Variants in DGKK observed in about 807,000 individuals in gnomAD.
The protein encoded by DGKK is diacylglycerol kinase kappa.
A neutral mutation model predicts 92.2 loss-of-function variants in DGKK; 35 were observed. That is an observed-to-expected ratio of 0.38 (90% CI 0.29 to 0.50). The LOEUF (loss-of-function observed/expected upper bound fraction) is 0.50. Among genes scored for constraint, DGKK ranks in the 20% least tolerant of loss-of-function variants. DGKK has a pLI of 0.92. For synonymous variants in DGKK, 368 were observed against 360.6 expected (o/e 1.02, Z -0.23); for missense variants, 910 against 992.2 (o/e 0.92, Z 1.11).
chrX:50,424,502 C>T (rs782602444), intron 1 of DGKK, 144 bp from the exon 2 acceptor site: 3 of 461,632 alleles, frequency 6.5e-6, no homozygotes, highest in South Asian at 8.6e-5. Context: ...GGTGAGAACA[C>T]AGTGAAGCTC....
chrX:50,445,011 T>C lies in DGKK; in HGVS notation c.646-20653A>G, dbSNP rs185586814. Among the ~76,000 whole-genome samples the C allele has an allele frequency of 2.9e-3, 328 of 111,301 alleles. 3 individuals are homozygous for C. The highest frequency in any genetic ancestry group is 0.01 in the African/African-American group (311 of 30,663). On this transcript the variant is annotated intron_variant, in intron 1 of 27. Transcript: ENST00000611977. ...ACTGATGTGAGATGGTATCTCGTTG[T>C]GGTTTTGATTTGCATTTCTCCAATT...
chrX:50,369,826 A>T (rs1183758881), intron 27 of DGKK, among the ~76,000 whole-genome samples: 1 of 111,441 alleles, frequency 9.0e-6, no homozygotes, highest in East Asian at 2.8e-4. Flanking sequence ...GGCCTTCCAA[A>T]GTGTTGGGAT....
At chrX:50,378,321 G>A in intron 21 of DGKK, 89 bp from the exon 22 acceptor site, 1 of 1,064,555 alleles carries the variant, frequency 9.4e-7, no homozygotes, top group Non-Finnish European at 1.3e-6. Context: ...GGCCTTGAAT[G>A]TGTATCTGAA....
intron 1 of DGKK, among the ~76,000 whole-genome samples, chrX:50,445,778 C>A (rs1383165327): frequency 3.6e-5 from 4 of 111,026 alleles, no homozygotes; most frequent in African/African-American, 1.3e-4. Flanking sequence ...CTTTTTGGCT[C>A]AATATGGATT....
chrX:50,375,178 G>T, intron 24 of DGKK, 121 bp from the exon 25 acceptor site: 1 of 488,862 alleles, frequency 2.0e-6, no homozygotes, highest in Non-Finnish European at 3.5e-6. Flanking sequence ...TGTGGCTATA[G>T]GTGAAAAAGC....
At chrX:50,395,001 T>C (rs1924805535) in intron 8 of DGKK, among the ~76,000 whole-genome samples, 1 of 108,794 alleles carries the variant, frequency 9.2e-6, no homozygotes, top group Non-Finnish European at 1.9e-5. Flanking sequence ...GTGAAGAGAA[T>C]AGTATGGTTA....
rs993888693 is a variant in DGKK, at chrX:50,393,141, T to C, written c.1595+11A>G. 6.7e-6 allele frequency: 8 copies of C among 1,195,571 alleles called. No homozygotes were observed. In the Admixed American group the frequency reaches 1.5e-4, roughly 23 times the overall value. On this transcript the variant is annotated intron_variant, in intron 9 of 27. Transcript: ENST00000611977. The stretch of plus-strand genomic sequence containing the variant: ...TACATACCCAATCATATCCATGGGA[T>C]ACAGGCTTACCCTGCTTCAGGTCCA...
At chrX:50,439,174 T>C (rs910005457) in intron 1 of DGKK, among the ~76,000 whole-genome samples, 2 of 111,807 alleles carry the variant, frequency 1.8e-5, no homozygotes, top group South Asian at 7.4e-4. Context: ...TTTCTATCAA[T>C]TGGCTCCTAA....
intron 4 of DGKK, among the ~76,000 whole-genome samples, chrX:50,410,001 C>T (rs1322830079): frequency 2.7e-5 from 3 of 111,813 alleles, no homozygotes; most frequent in South Asian, 3.8e-4. Flanking sequence ...CTCTGGCTTC[C>T]GGAAGTGTGA....
At chrX:50,460,777 T>C (rs1333313548) in intron 1 of DGKK, among the ~76,000 whole-genome samples, 1 of 111,868 alleles carries the variant, frequency 8.9e-6, no homozygotes, top group Non-Finnish European at 1.9e-5. Flanking sequence ...GAATTGAATA[T>C]TCTATTTCCT....
chrX:50,422,522 G>A lies in DGKK; in HGVS notation c.761C>T (p.Ala254Val). 1 of 1,201,764 alleles carries A rather than the reference G, an allele frequency of 8.3e-7. No homozygotes were observed. The highest frequency in any genetic ancestry group is 1.8e-5 in the South Asian group (1 of 55,485). ...AGACAGATCAATCGTTTCAAAGTGTGCAAACTGGAAAGATATAAGACAGAG... is the reference window on the plus strand; with the variant it reads ...AGACAGATCAATCGTTTCAAAGTGTACAAACTGGAAAGATATAAGACAGAG... ...KLYFAHHPAF[A>V]HFETIDLSQA... Residue 254 changes from alanine to valine, a missense_variant, in exon 3 of 28, where the codon GCA becomes GTA. Ala to Val is a moderately conservative substitution (Grantham distance 64). Transcript: ENST00000611977.
At chrX:50,404,449 T>C (rs907029501) in intron 4 of DGKK, among the ~76,000 whole-genome samples, 5 of 105,257 alleles carry the variant, frequency 4.8e-5, no homozygotes, top group Non-Finnish European at 9.8e-5. Context: ...AATTATCTTT[T>C]TTTTTTTTTT....
chrX:50,446,060 G>A (rs541734188), intron 1 of DGKK, among the ~76,000 whole-genome samples: 10 of 110,999 alleles, frequency 9.0e-5, no homozygotes, highest in East Asian at 2.8e-4. Context: ...ATGGAATTGC[G>A]TTCCTGATTT....
intron 1 of DGKK, among the ~76,000 whole-genome samples, chrX:50,461,158 A>C (rs781810737): frequency 8.9e-6 from 1 of 112,589 alleles, no homozygotes; most frequent in Non-Finnish European, 1.9e-5. Flanking sequence ...TGCTTCACAC[A>C]GCAAATATGC....
chrX:50,377,186 T>C (rs1178664806), intron 22 of DGKK, among the ~76,000 whole-genome samples: 1 of 112,314 alleles, frequency 8.9e-6, no homozygotes, highest in Non-Finnish European at 1.9e-5. Context: ...GCTTGGATCA[T>C]ACACATGTCT....
At chrX:50,396,705 G>A (rs1924863729) in intron 8 of DGKK, among the ~76,000 whole-genome samples, 1 of 111,438 alleles carries the variant, frequency 9.0e-6, no homozygotes, top group African/African-American at 3.3e-5. Context: ...CCCTGAGGAA[G>A]AGAATATCTG....
At chrX:50,376,979 A>T (rs112991281) in intron 22 of DGKK, 61 bp from the exon 23 acceptor site, 15 of 1,090,246 alleles carry the variant, frequency 1.4e-5, no homozygotes, top group Non-Finnish European at 1.8e-5. Context: ...CACATGACAG[A>T]TCTGTCTGTG....
At chrX:50,406,212 A>G (rs1244389228) in intron 4 of DGKK, among the ~76,000 whole-genome samples, 1 of 111,897 alleles carries the variant, frequency 8.9e-6, no homozygotes, top group African/African-American at 3.3e-5. Flanking sequence ...TCATCATCTA[A>G]ATTGCCTACA....
At chrX:50,434,165 C>A (rs1245985407) in intron 1 of DGKK, among the ~76,000 whole-genome samples, 1 of 110,536 alleles carries the variant, frequency 9.0e-6, no homozygotes. Flanking sequence ...GCTGTGGCTC[C>A]TGTTGTGACT....
Sources: gnomAD v4.1 joint callset for allele counts (sites outside exome capture counted in the v4.1 genomes callset) on GRCh38, gnomAD v4.1.1 for gene constraint, MANE v1.5 for transcripts, NCBI Gene and HGNC (gene_info 2026-07-23, HGNC 2026-07-21) for gene names.